PLAGL1: variants seen among roughly 807,000 people sequenced by gnomAD.
PLAGL1 encodes PLAG1 like zinc finger 1.
In PLAGL1, 1 loss-of-function variant was observed where a neutral mutation model predicts 4.6. The ratio of observed to expected loss-of-function variants is 0.22; its 90% CI spans 0.08 to 1.03. The LOEUF (loss-of-function observed/expected upper bound fraction) is 1.03. Among genes scored for constraint, PLAGL1 ranks in the 50% least tolerant of loss-of-function variants. The probability of loss-of-function intolerance (pLI) is 0.58; values close to 1 mark genes in which losing one functional copy is unlikely to be tolerated. For synonymous variants in PLAGL1, 240 were observed against 237.8 expected, an observed-to-expected ratio of 1.01 and a Z score of -0.08; for missense variants, 464 against 570.4, an observed-to-expected ratio of 0.81 and a Z score of 1.90.
intron 1 of PLAGL1, chr6:144,007,619 T>A (rs966029932): frequency 6.6e-6 from 1 of 152,250 alleles, no homozygotes; most frequent in East Asian, 1.9e-4. Context: ...CCCACGTTTT[T>A]AAATACTTTT....
intron 1 of PLAGL1, among the ~76,000 whole-genome samples, chr6:144,060,380 C>T (rs758449950): frequency 4.6e-5 from 7 of 152,290 alleles, no homozygotes; most frequent in Non-Finnish European, 8.8e-5. Flanking sequence ...ATATTTATTT[C>T]ACCTAGTTGG....
In PLAGL1 at chr6:143,943,185, TG is replaced by T. The variant is rs113939714; in HGVS notation, c.153-523del. 7.3e-3 allele frequency among the ~76,000 whole-genome samples: 1,113 copies of T among 151,914 alleles called. 17 individuals carry two copies. Among genetic ancestry groups the T allele is most frequent in the African/African-American group, 0.026 (1,070 of 41,400 alleles). ...GGCCAGAATATTCTTAAAGAGAACA[TG>T]TTTTTTTAATGTATACAGATTTCTG... On this transcript the variant is annotated intron_variant, in intron 7 of 7. Transcript: ENST00000674357.
At chr6:144,062,489 A>C (rs1000572087) in intron 1 of PLAGL1, among the ~76,000 whole-genome samples, 20 of 151,128 alleles carry the variant, frequency 1.3e-4, no homozygotes, top group Non-Finnish European at 2.4e-4. Flanking sequence ...AAAAAAAAAA[A>C]AAAAAACACA....
intron 1 of PLAGL1, among the ~76,000 whole-genome samples, chr6:144,003,950 C>T (rs1162942262): frequency 6.6e-6 from 1 of 152,234 alleles, no homozygotes; most frequent in Admixed American, 6.5e-5. Flanking sequence ...GAACATTCCT[C>T]ACAATTCAAT....
chr6:143,993,675 A>T (rs1467980718), intron 1 of PLAGL1, among the ~76,000 whole-genome samples: 1 of 152,242 alleles, frequency 6.6e-6, no homozygotes, highest in African/African-American at 2.4e-5. Context: ...GAGAGAATAG[A>T]TCAGATTAAA....
At position 144,013,546 on chromosome 6, in the gene PLAGL1, A is replaced by G. The variant is rs1795346490; in HGVS notation, c.-150-44568T>C. ...CATAAAACATGAAATTTATTTTCTG[A>G]GTCCGAAAGGCCAGAAGTCTGAAAT... On this transcript the variant is annotated intron_variant, in intron 1 of 3. Transcript: ENST00000437412. This position sits in a 1 kb window ranked among gnomAD's most constrained non-coding sequence, Gnocchi z 4.4. 6.6e-6 allele frequency among the ~76,000 whole-genome samples: 1 copy of G among 152,256 alleles called. No individual in the cohort carries two copies. Among genetic ancestry groups the G allele is most frequent in the Non-Finnish European group, 1.5e-5 (1 of 68,048 alleles).
At chr6:143,943,153 C>T (rs886825754) in intron 7 of PLAGL1, among the ~76,000 whole-genome samples, 1 of 150,986 alleles carries the variant, frequency 6.6e-6, no homozygotes, top group African/African-American at 2.4e-5. Flanking sequence ...CAAGAGTCAC[C>T]GTGCCTGGCC....
At chr6:144,026,164 G>A (rs1263736097) in intron 1 of PLAGL1, among the ~76,000 whole-genome samples, 1 of 152,098 alleles carries the variant, frequency 6.6e-6, no homozygotes, top group African/African-American at 2.4e-5. Context: ...TAAAAGATTA[G>A]GTTGTTTCGT....
intron 1 of PLAGL1, among the ~76,000 whole-genome samples, chr6:143,996,108 G>A (rs996287123): frequency 6.6e-6 from 1 of 152,120 alleles, no homozygotes; most frequent in African/African-American, 2.4e-5. Flanking sequence ...CATTTTCTCT[G>A]AACTGTTATG....
In PLAGL1 at chr6:144,048,042, G is replaced by C. The variant is rs1217845603; in HGVS notation, c.-151+16426C>G. ...ATTGGTCAAAACAAAAGGGCTACAG[G>C]CTCCATGCAAGTCCAAAATCCAAGG... On this transcript the variant is annotated intron_variant, in intron 1 of 3. Transcript: ENST00000437412. The surrounding 1 kb of genome is among the most constrained non-coding windows in gnomAD (Gnocchi z 4.8). Among the ~76,000 whole-genome samples the C allele has an allele frequency of 6.6e-6, 1 of 152,148 alleles. No individual in the cohort carries two copies. Among genetic ancestry groups the C allele is most frequent in the Non-Finnish European group, 1.5e-5 (1 of 68,010 alleles).
intron 1 of PLAGL1, among the ~76,000 whole-genome samples, chr6:144,023,884 G>A (rs1796152326): frequency 1.5e-5 from 2 of 132,238 alleles, no homozygotes; most frequent in African/African-American, 2.8e-5. Flanking sequence ...TCAAGTGATT[G>A]TTGTGCCTCA....
intron 1 of PLAGL1, among the ~76,000 whole-genome samples, chr6:144,033,088 A>G (rs1350196813): frequency 6.6e-6 from 1 of 152,256 alleles, no homozygotes; most frequent in African/African-American, 2.4e-5. Context: ...TCATTAGATG[A>G]ATTTTAGAAA....
Position 144,005,021 on chromosome 6 carries a change from G to A in PLAGL1, c.-584+3069C>T, listed in dbSNP as rs1374681977. On this transcript the variant is annotated intron_variant, in intron 1 of 7. Coordinates refer to ENST00000674357, the MANE Select transcript of PLAGL1 (RefSeq NM_001317162.2). This position sits in a 1 kb window ranked among gnomAD's most constrained non-coding sequence, Gnocchi z 4.6. ...ATTATATATAATCTATATATAAAGT[G>A]TATGTGTATATATTATATATATACA... 6.7e-6 allele frequency: 1 copy of A among 149,928 alleles called. No individual in the cohort carries two copies. Among genetic ancestry groups the A allele is most frequent in the African/African-American group, 2.4e-5 (1 of 40,990 alleles). The allele number at this position is 149,928 out of a possible 1,614,324, so 9.3% of individuals were successfully genotyped here.
At position 144,005,881 on chromosome 6, in the gene PLAGL1, A is replaced by C. The variant is rs1221449329; in HGVS notation, c.-584+2209T>G. 2.0e-4 allele frequency: 31 copies of C among 152,054 alleles called. No individual in the cohort carries two copies. Among genetic ancestry groups the C allele is most frequent in the Non-Finnish European group, 1.5e-5 (1 of 67,984 alleles). The allele number at this position is 152,054 out of a possible 1,614,324, so 9.4% of individuals were successfully genotyped here. ...GAACAGAAATTATTGAGGTAAATAC[A>C]ATATGTTAGCATTTTAAAACGCTGA... On this transcript the variant is annotated intron_variant, in intron 1 of 7. Transcript: ENST00000674357. The surrounding 1 kb of genome is among the most constrained non-coding windows in gnomAD (Gnocchi z 4.6).
chr6:143,960,213 G>A lies in PLAGL1; in HGVS notation c.-325+256C>T, dbSNP rs992614518. On this transcript the variant is annotated intron_variant, in intron 6 of 7. Transcript: ENST00000674357. The surrounding 1 kb of genome is among the most constrained non-coding windows in gnomAD (Gnocchi z 5.7). ...GTGTATTACTAGGCTGTGGATGTGG[G>A]ACAGCAGAGGTCATGAAAAGTTGCT... is the stretch of plus-strand genomic sequence containing the variant. Among the ~76,000 whole-genome samples the A allele has an allele frequency of 3.3e-5, 5 of 152,190 alleles. No homozygotes were observed. Among genetic ancestry groups the A allele is most frequent in the African/African-American group, 1.2e-4 (5 of 41,436 alleles).
chr6:143,974,016 T>G (rs1357189224), intron 2 of PLAGL1, among the ~76,000 whole-genome samples: 1 of 152,122 alleles, frequency 6.6e-6, no homozygotes, highest in African/African-American at 2.4e-5. Flanking sequence ...AAATGAGTTG[T>G]GTGTTTGTTG....
chr6:144,031,560 A>G (rs1796833074), intron 1 of PLAGL1, among the ~76,000 whole-genome samples: 1 of 152,166 alleles, frequency 6.6e-6, no homozygotes, highest in African/African-American at 2.4e-5. Flanking sequence ...TTTCATTCTC[A>G]TACATGTGGC....
At chr6:144,012,308 G>A (rs1018797100), upstream of PLAGL1, among the ~76,000 whole-genome samples, 1 of 152,082 alleles carries the variant, frequency 6.6e-6, no homozygotes, top group Non-Finnish European at 1.5e-5. The surrounding 1 kb of genome is among the most constrained non-coding windows in gnomAD (Gnocchi z 4.8). Context: ...TGCCTCCCGG[G>A]TTCAAGCAAT....
chr6:144,043,475 G>T lies in PLAGL1; in HGVS notation c.-151+20993C>A, dbSNP rs187927264. 3.3e-5 allele frequency among the ~76,000 whole-genome samples: 5 copies of T among 152,150 alleles called. No homozygotes were observed. The East Asian group carries it at 7.7e-4, about 23-fold the overall frequency. ...TGGTTCTGTTTATGTGATAGATTAC[G>T]TTTATCGATTTGCATATTTTGAATC... On this transcript the variant is annotated intron_variant, in intron 1 of 3. Coordinates refer to the PLAGL1 transcript ENST00000437412.
Sources: gnomAD v4.1 joint callset for allele counts (sites outside exome capture counted in the v4.1 genomes callset) on GRCh38, gnomAD v4.1.1 for gene constraint, Gnocchi (gnomAD v3.1) non-coding constraint, MANE v1.5 for transcripts, NCBI Gene and HGNC (gene_info 2026-07-23, HGNC 2026-07-21) for gene names.